GMEB1: variants seen among roughly 807,000 people sequenced by gnomAD.
GMEB1 encodes the protein glucocorticoid modulatory element binding protein 1.
GMEB1 carries 6 observed loss-of-function variants against 52.4 expected under a neutral mutation model. The observed-to-expected ratio is 0.11, with a 90% CI of 0.06 to 0.23. The LOEUF is 0.23. Ranked by LOEUF, GMEB1 falls within the 10% of genes least tolerant of loss-of-function variation. The pLI is 1.00. For synonymous variants in GMEB1, 255 were observed against 244.9 expected (o/e 1.04, Z -0.38); for missense variants, 486 against 685.6 (o/e 0.71, Z 3.25).
chr1:28,707,210 C>T (rs1670825191), intron 8 of GMEB1, among the ~76,000 whole-genome samples: 1 of 149,484 alleles, frequency 6.7e-6, no homozygotes, highest in South Asian at 2.1e-4. Context: ...TCTAGATCTC[C>T]TGACTTCATG....
intron 1 of GMEB1, among the ~76,000 whole-genome samples, chr1:28,683,093 C>T (rs892514600): frequency 1.1e-4 from 17 of 152,068 alleles, no homozygotes; most frequent in Admixed American, 7.9e-4. Flanking sequence ...ACTGTTGAGG[C>T]GTTTCTGGAA....
chr1:28,705,687 G>T (rs1670721804), intron 8 of GMEB1, among the ~76,000 whole-genome samples: 1 of 150,212 alleles, frequency 6.7e-6, no homozygotes, highest in Non-Finnish European at 1.5e-5. Flanking sequence ...CTGACCTTGG[G>T]TGATCCGCCC....
chr1:28,685,143 T>C (rs1236104479), intron 2 of GMEB1, among the ~76,000 whole-genome samples: 2 of 151,982 alleles, frequency 1.3e-5, no homozygotes, highest in African/African-American at 4.8e-5. Flanking sequence ...TCAAGCTGAG[T>C]CTAGCACCTA....
At chr1:28,700,684 CAAA>C (rs760383155) in intron 6 of GMEB1, among the ~76,000 whole-genome samples, 10 of 104,106 alleles carry the variant, frequency 9.6e-5, no homozygotes, top group Admixed American at 1.0e-4. Context: ...GACTCTGTCT[CAAA>C]AAAAAAAAAA....
At chr1:28,697,538 A>G (rs969631002) in intron 6 of GMEB1, among the ~76,000 whole-genome samples, 4 of 152,114 alleles carry the variant, frequency 2.6e-5, no homozygotes, top group African/African-American at 9.7e-5. Flanking sequence ...AATTCTCATG[A>G]ACATTGATGT....
chr1:28,713,751 A>G (rs371733609), intron 9 of GMEB1, among the ~76,000 whole-genome samples: 1 of 152,168 alleles, frequency 6.6e-6, no homozygotes, highest in African/African-American at 2.4e-5. Context: ...GAGAGTTCCA[A>G]GGGACTGTGC....
In GMEB1 at chr1:28,717,746, C is replaced by G. The variant is rs1214494871; in HGVS notation, c.*2973C>G. 6.6e-6 allele frequency: 1 copy of G among 152,164 alleles called. No individual in the cohort carries two copies. Among genetic ancestry groups the G allele is most frequent in the Non-Finnish European group, 1.5e-5 (1 of 68,040 alleles). The allele number at this position is 152,164 out of a possible 1,614,324, so 9.4% of individuals were successfully genotyped here. A position where few individuals can be genotyped will look rare whatever the true frequency, so the allele number is the denominator to read the frequency against. On this transcript the variant is annotated 3_prime_UTR_variant, in exon 10 of 10. Transcript: ENST00000373816. Reference sequence around the variant, plus strand: ...TCTACTTGAATCTAGGAAGGCACATCTCATCCCTATTGTGGTTTTTAGGGA... The same window carrying G: ...TCTACTTGAATCTAGGAAGGCACATGTCATCCCTATTGTGGTTTTTAGGGA...
At chr1:28,679,802 C>CT (rs762915216) in intron 1 of GMEB1, among the ~76,000 whole-genome samples, 1,829 of 139,684 alleles carry the variant, frequency 0.013, 45 homozygotes, top group African/African-American at 0.042. Context: ...ATGGCTCACA[C>CT]TTTTTTTTTT....
At chr1:28,670,847 A>T (rs1668851927) in intron 1 of GMEB1, among the ~76,000 whole-genome samples, 1 of 152,168 alleles carries the variant, frequency 6.6e-6, no homozygotes, top group South Asian at 2.1e-4. Context: ...TTAATATCTT[A>T]CTTAAATGAT....
chr1:28,690,041 C>T, intron 2 of GMEB1, 63 bp from the exon 3 acceptor site: 1 of 1,030,970 alleles, frequency 9.7e-7, no homozygotes, highest in Non-Finnish European at 1.5e-6. Context: ...TAACCCCATG[C>T]TGTGAATATT....
intron 2 of GMEB1, among the ~76,000 whole-genome samples, chr1:28,684,962 T>C (rs1570394937): frequency 1.3e-5 from 2 of 152,168 alleles, no homozygotes; most frequent in Non-Finnish European, 2.9e-5. Context: ...AGTTCAAATG[T>C]TGACTTTTTT....
At chr1:28,706,397 G>C (rs1217652473) in intron 8 of GMEB1, among the ~76,000 whole-genome samples, 2 of 152,000 alleles carry the variant, frequency 1.3e-5, no homozygotes, top group African/African-American at 2.4e-5. Flanking sequence ...CTGAGATCAG[G>C]AAGTCAAGAC....
At chr1:28,690,468 A>T (rs1036070398) in intron 3 of GMEB1, among the ~76,000 whole-genome samples, 1 of 152,054 alleles carries the variant, frequency 6.6e-6, no homozygotes, top group African/African-American at 2.4e-5. Flanking sequence ...TGGAGCCTCA[A>T]AGTTGATCCC....
intron 2 of GMEB1, among the ~76,000 whole-genome samples, chr1:28,687,371 C>CA (rs1557504166): frequency 3.0e-5 from 1 of 33,534 alleles, no homozygotes; most frequent in Non-Finnish European, 5.1e-5. Context: ...CACACACACA[C>CA]ACACACACAC....
intron 4 of GMEB1, 35 bp from the exon 5 acceptor site, chr1:28,692,907 C>A: frequency 8.5e-7 from 1 of 1,172,688 alleles, no homozygotes; most frequent in Non-Finnish European, 1.3e-6. Context: ...CCTAAGTTGA[C>A]ATTAGACTCT....
rs1028774521 is a variant in GMEB1, at chr1:28,718,465, G to A, written c.*3692G>A. The A allele has an allele frequency of 6.6e-6, 1 of 152,110 alleles. No individual in the cohort carries two copies. The highest frequency in any genetic ancestry group is 2.4e-5 in the African/African-American group (1 of 41,414). 9.4% of individuals were successfully genotyped at this position (152,110 alleles called of 1,614,324 possible). A position where few individuals can be genotyped will look rare whatever the true frequency, so the allele number is the denominator to read the frequency against. On this transcript the variant is annotated 3_prime_UTR_variant, in exon 10 of 10. Transcript: ENST00000373816. The stretch of plus-strand genomic sequence containing the variant: ...AATGTAAAAATTAGTCAAGTCTTGT[G>A]GCTCGCACTTGTAGACACAATTACT...
chr1:28,686,236 G>A (rs143887694), intron 2 of GMEB1, among the ~76,000 whole-genome samples: 312 of 152,200 alleles, frequency 2.0e-3, no homozygotes, highest in African/African-American at 7.0e-3. Context: ...AGCTACTCAG[G>A]AGGCTGAGCT....
At chr1:28,700,924 CT>C (rs1267472284) in intron 6 of GMEB1, among the ~76,000 whole-genome samples, 3 of 151,134 alleles carry the variant, frequency 2.0e-5, no homozygotes, top group South Asian at 2.1e-4. Flanking sequence ...TTTTATGCAG[CT>C]TTTTTTTTCC....
At chr1:28,684,305 T>C (rs1669529154) in intron 2 of GMEB1, among the ~76,000 whole-genome samples, 1 of 152,032 alleles carries the variant, frequency 6.6e-6, no homozygotes, top group South Asian at 2.1e-4. Flanking sequence ...GGCTCACGCC[T>C]GTAATCCCAG....
Sources: allele counts gnomAD v4.1 joint callset (sites outside exome capture counted in the v4.1 genomes callset), GRCh38; gene constraint gnomAD v4.1.1; transcripts MANE v1.5; gene names NCBI Gene and HGNC (gene_info 2026-07-23, HGNC 2026-07-21).